PHACTR1: variants seen among roughly 807,000 people sequenced by gnomAD.
The protein encoded by PHACTR1 is phosphatase and actin regulator 1.
A neutral mutation model predicts 69.2 loss-of-function variants in PHACTR1; 16 were observed. The observed-to-expected ratio is 0.23, with a 90% CI of 0.16 to 0.35. The LOEUF (loss-of-function observed/expected upper bound fraction) is 0.35. Ranked by LOEUF, PHACTR1 falls within the 10% of genes least tolerant of loss-of-function variation. The pLI, the probability that PHACTR1 is intolerant of heterozygous loss-of-function variation, is 1.00. For synonymous variants in PHACTR1, 312 were observed against 284.5 expected, an observed-to-expected ratio of 1.10 and a Z score of -0.97; for missense variants, 510 against 734.7, an observed-to-expected ratio of 0.69 and a Z score of 3.54.
chr6:13,275,021 TAAAC>T lies in PHACTR1; in HGVS notation c.1447+2110_1447+2113del, dbSNP rs201907744. The T allele has an allele frequency of 6.6e-6, 1 of 152,140 alleles. No homozygotes were observed. 9.4% of individuals were successfully genotyped at this position (152,140 alleles called of 1,614,324 possible). A position where few individuals can be genotyped will look rare whatever the true frequency, so the allele number is the denominator to read the frequency against. On this transcript the variant is annotated intron_variant, in intron 11 of 14. Coordinates refer to ENST00000332995, the MANE Select transcript of PHACTR1 (RefSeq NM_030948.6). The surrounding 1 kb of genome is among the most constrained non-coding windows in gnomAD (Gnocchi z 4.0). ...TTTAAATTTAATCTATTGCGATTGTTAAACAAAAAAAATGTCTAGTGGTATAAGA... is the reference window on the plus strand; with the variant it reads ...TTTAAATTTAATCTATTGCGATTGTTAAAAAAAATGTCTAGTGGTATAAGA...
chr6:13,199,400 A>C (rs61373294), intron 7 of PHACTR1, among the ~76,000 whole-genome samples: 29 of 127,782 alleles, frequency 2.3e-4, no homozygotes, highest in South Asian at 2.2e-4. Context: ...AAAAAAAAAA[A>C]AAAAAAAAAA....
At chr6:13,136,998 G>A (rs1238984247) in intron 5 of PHACTR1, among the ~76,000 whole-genome samples, 2 of 152,238 alleles carry the variant, frequency 1.3e-5, no homozygotes, top group Non-Finnish European at 2.9e-5. Context: ...ATGTGACACA[G>A]AGACCCAAAG....
chr6:12,855,200 C>G (rs1780228276), intron 4 of PHACTR1, among the ~76,000 whole-genome samples: 1 of 152,192 alleles, frequency 6.6e-6, no homozygotes, highest in Non-Finnish European at 1.5e-5. Flanking sequence ...AAATACTACA[C>G]AGCCATAAAA....
chr6:13,255,188 G>C lies in PHACTR1; in HGVS notation c.1392-17672G>C, dbSNP rs532074782. 3.5e-3 allele frequency among the ~76,000 whole-genome samples: 535 copies of C among 152,328 alleles called. 3 individuals are homozygous for C. The highest frequency in any genetic ancestry group is 5.7e-3 in the Non-Finnish European group (385 of 68,026). On this transcript the variant is annotated intron_variant, in intron 10 of 14. Transcript: ENST00000332995. ...GCTAGGAACAGGAGCAAGAGGCAGTGAGGGGAAGATGCCACACACTTTTAA... is the reference window on the plus strand; with the variant it reads ...GCTAGGAACAGGAGCAAGAGGCAGTCAGGGGAAGATGCCACACACTTTTAA...
intron 8 of PHACTR1, among the ~76,000 whole-genome samples, chr6:13,210,809 T>C (rs1326906385): frequency 6.6e-6 from 1 of 152,104 alleles, no homozygotes; most frequent in Admixed American, 6.6e-5. Context: ...TAGAATGGTT[T>C]GGGTAAGTCT....
At chr6:13,260,303 G>A (rs1175660835) in intron 10 of PHACTR1, among the ~76,000 whole-genome samples, 1 of 152,158 alleles carries the variant, frequency 6.6e-6, no homozygotes, top group Non-Finnish European at 1.5e-5. Flanking sequence ...ATCAGAGGAG[G>A]CATCTCAGCT....
In PHACTR1 at chr6:12,749,726, A is replaced by G. The variant is rs752496996; in HGVS notation, c.186A>G (p.Arg62=). 9 of 1,611,722 alleles carry G rather than the reference A, an allele frequency of 5.6e-6. No individual in the cohort carries two copies. In the South Asian group the frequency reaches 8.8e-5, roughly 16 times the overall value. Residue 62 remains arginine, a synonymous_variant, in exon 4 of 15, where the codon AGA becomes AGG. Transcript: ENST00000332995. The stretch of plus-strand genomic sequence containing the variant: ...ATATAGACCGGCGGCCCATCCGGAG[A>G]GTGCGCTCCAAGAGCGACACGCCGT... ...EDDIDRRPIR[R]VRSKSDTPYL...
At chr6:13,200,004 A>C (rs1764987040) in intron 7 of PHACTR1, among the ~76,000 whole-genome samples, 1 of 152,176 alleles carries the variant, frequency 6.6e-6, no homozygotes, top group Admixed American at 6.5e-5. Context: ...TTGCTCTTTT[A>C]CTTTTTACAT....
intron 4 of PHACTR1, among the ~76,000 whole-genome samples, chr6:12,787,187 C>T (rs1771645134): frequency 6.6e-6 from 1 of 152,214 alleles, no homozygotes; most frequent in Non-Finnish European, 1.5e-5. Flanking sequence ...GAGGCTGGAT[C>T]AGGGTTGGCT....
At chr6:12,849,298 G>A (rs1779594698) in intron 4 of PHACTR1, among the ~76,000 whole-genome samples, 1 of 152,198 alleles carries the variant, frequency 6.6e-6, no homozygotes, top group South Asian at 2.1e-4. Context: ...CTTCAGTGTG[G>A]TGAGGTCCCA....
intron 4 of PHACTR1, among the ~76,000 whole-genome samples, chr6:13,036,557 T>C (rs935177395): frequency 2.6e-5 from 4 of 152,208 alleles, no homozygotes; most frequent in African/African-American, 9.6e-5. Flanking sequence ...TCTTGTGGCA[T>C]ATGGGACAAA....
At position 12,749,634 on chromosome 6, in the gene PHACTR1, T is replaced by C. The variant is rs758445846; in HGVS notation, c.104-10T>C. On this transcript the variant is annotated splice_polypyrimidine_tract_variant and intron_variant, in intron 3 of 14. Transcript: ENST00000332995. ...CTCTCCCTCTCCCTCCGTCTCCTTC[T>C]CCCTCTCAGCTCGCCGGGCGACCCT... The C allele has an allele frequency of 4.5e-5, 66 of 1,469,268 alleles. 2 individuals are homozygous for C. The South Asian group carries it at 7.1e-4, about 16-fold the overall frequency. The allele number at this position is 1,469,268 out of a possible 1,614,324, so 91.0% of individuals were successfully genotyped here.
chr6:12,879,902 C>T (rs909560454), intron 4 of PHACTR1, among the ~76,000 whole-genome samples: 1 of 152,184 alleles, frequency 6.6e-6, no homozygotes, highest in African/African-American at 2.4e-5. Flanking sequence ...TTTCCTCTAT[C>T]CTTGTAGTAG....
At chr6:12,739,123 G>C (rs1764701373) in intron 3 of PHACTR1, among the ~76,000 whole-genome samples, 1 of 152,152 alleles carries the variant, frequency 6.6e-6, no homozygotes, top group African/African-American at 2.4e-5. Flanking sequence ...GGGGAATGCT[G>C]TTTTAACAAG....
chr6:12,936,457 C>T (rs1789462260), intron 4 of PHACTR1, among the ~76,000 whole-genome samples: 1 of 152,188 alleles, frequency 6.6e-6, no homozygotes, highest in South Asian at 2.1e-4. Context: ...CTTTTGTACG[C>T]ACTGAAACAC....
At chr6:13,278,181 GGCCTAGAGCCT>G (rs1779340705) in intron 11 of PHACTR1, 76 bp from the exon 12 acceptor site, 1 of 1,268,800 alleles carries the variant, frequency 7.9e-7, no homozygotes, top group Non-Finnish European at 1.1e-6. Flanking sequence ...TGAGATGCTT[GGCCTAGAGCCT>G]GCCAAGGTCC....
intron 4 of PHACTR1, among the ~76,000 whole-genome samples, chr6:13,002,698 T>A (rs1798233359): frequency 6.6e-6 from 1 of 152,212 alleles, no homozygotes. Context: ...TCCCAAACTG[T>A]GTATAAAGTG....
intron 4 of PHACTR1, among the ~76,000 whole-genome samples, chr6:12,846,851 G>T (rs764408343): frequency 9.8e-4 from 142 of 144,836 alleles, no homozygotes; most frequent in Non-Finnish European, 1.1e-3. Flanking sequence ...CTGCCACCCA[G>T]GCTGGAGTGC....
chr6:13,010,438 A>C (rs551055386), intron 4 of PHACTR1, among the ~76,000 whole-genome samples: 1 of 152,252 alleles, frequency 6.6e-6, no homozygotes, highest in East Asian at 1.9e-4. Context: ...CTTCCCATTA[A>C]GTTTCAAGTT....
Sources: allele counts gnomAD v4.1 joint callset (sites outside exome capture counted in the v4.1 genomes callset), GRCh38; gene constraint gnomAD v4.1.1; non-coding constraint Gnocchi (gnomAD v3.1); transcripts MANE v1.5; gene names NCBI Gene and HGNC (gene_info 2026-07-23, HGNC 2026-07-21).